Variants in DAB1 observed in about 807,000 individuals in gnomAD.
DAB1 encodes DAB adaptor protein 1.
A neutral mutation model predicts 64.6 loss-of-function variants in DAB1; 15 were observed. The ratio of observed to expected loss-of-function variants is 0.23; its 90% CI spans 0.16 to 0.36. DAB1 has a LOEUF of 0.36. Among genes scored for constraint, DAB1 ranks in the 10% least tolerant of loss-of-function variants. The probability of loss-of-function intolerance (pLI) is 1.00; values close to 1 mark genes in which losing one functional copy is unlikely to be tolerated. For synonymous variants in DAB1, 235 were observed against 251.9 expected (o/e 0.93, Z 0.64); for missense variants, 596 against 706.7 (o/e 0.84, Z 1.78).
At chr1:57,666,902 G>C (rs1570719976) in intron 6 of DAB1, among the ~76,000 whole-genome samples, 1 of 151,150 alleles carries the variant, frequency 6.6e-6, no homozygotes, top group Non-Finnish European at 1.5e-5. Context: ...AGGGGAGGGG[G>C]AGAGAGAGAG....
intron 4 of DAB1, among the ~76,000 whole-genome samples, chr1:58,261,556 C>T (rs564337944): frequency 6.6e-6 from 1 of 152,092 alleles, no homozygotes; most frequent in South Asian, 2.1e-4. Context: ...AATTCACCAA[C>T]CAGAAAAAGT....
chr1:58,065,900 C>T (rs774172965), intron 5 of DAB1, among the ~76,000 whole-genome samples: 9 of 152,186 alleles, frequency 5.9e-5, no homozygotes, highest in Non-Finnish European at 1.3e-4. Context: ...TGAAGGCTAT[C>T]AGAGGAAGGA....
rs1400773158 is a variant in DAB1, at chr1:57,058,511, A to G, written c.723+4373T>C. On this transcript the variant is annotated intron_variant, in intron 9 of 14. Transcript: ENST00000371236. ...GATGCTTACTGTAATGAGGACATGA[A>G]TATGATATGATTCCTGTCCTCAACG... Among the ~76,000 whole-genome samples, 3 of 152,366 alleles carry G rather than the reference A, an allele frequency of 2.0e-5. No homozygotes were observed. In the East Asian group the frequency reaches 5.8e-4, roughly 29 times the overall value.
intron 7 of DAB1, among the ~76,000 whole-genome samples, chr1:57,592,636 C>T (rs1558523009): frequency 6.6e-6 from 1 of 151,952 alleles, no homozygotes; most frequent in Non-Finnish European, 1.5e-5. Context: ...CTGTAGTAGA[C>T]AGCTTGGGCT....
chr1:57,630,476 T>A (rs1645976455), intron 7 of DAB1, among the ~76,000 whole-genome samples: 1 of 152,208 alleles, frequency 6.6e-6, no homozygotes. Context: ...TGTTTCACCC[T>A]AAGGGTAGAC....
Position 57,727,726 on chromosome 1 carries a change from C to CTCCTTCCTTCCTTTCTTCCTTCCT in DAB1, n.552-78062_552-78061insAGGAAGGAAGAAAGGAAGGAAGGA, listed in dbSNP as rs1647240698. Among the ~76,000 whole-genome samples, 3 of 137,124 alleles carry CTCCTTCCTTCCTTTCTTCCTTCCT rather than the reference C, an allele frequency of 2.2e-5. No individual in the cohort carries two copies. In the South Asian group the frequency reaches 7.8e-4, roughly 36 times the overall value. The allele number at this position is 137,124 out of a possible 152,430, so 90.0% of individuals were successfully genotyped here. ...CACCCTCTTCTGCTTCCTTCCTTCTCTCCTTCCTTCCTTCCTTCCTTCCTT... is the reference window on the plus strand; with the variant it reads ...CACCCTCTTCTGCTTCCTTCCTTCTCTCCTTCCTTCCTTTCTTCCTTCCTTCCTTCCTTCCTTCCTTCCTTCCTT... On this transcript the variant is annotated intron_variant and non_coding_transcript_variant, in intron 6 of 20. Transcript: ENST00000485760.
At chr1:57,391,812 CAGAG>C (rs796284038) in intron 1 of DAB1, among the ~76,000 whole-genome samples, 15 of 141,686 alleles carry the variant, frequency 1.1e-4, no homozygotes, top group African/African-American at 4.0e-4. Flanking sequence ...CACACACACA[CAGAG>C]AGAGGAGAGA....
At chr1:57,064,175 C>T (rs1251618263) in intron 8 of DAB1, among the ~76,000 whole-genome samples, 2 of 152,208 alleles carry the variant, frequency 1.3e-5, no homozygotes, top group Non-Finnish European at 2.9e-5. Context: ...TGAGCTTATT[C>T]CTTAGGTCCT....
chr1:57,825,677 T>G (rs1204728634), downstream of DAB1, among the ~76,000 whole-genome samples: 2 of 152,218 alleles, frequency 1.3e-5, no homozygotes, highest in Non-Finnish European at 2.9e-5. Context: ...AGATCCTCAA[T>G]GAACATTTGT....
intron 6 of DAB1, among the ~76,000 whole-genome samples, chr1:57,797,906 G>A (rs1001186424): frequency 6.6e-6 from 1 of 152,178 alleles, no homozygotes; most frequent in Admixed American, 6.5e-5. Flanking sequence ...GTATTAATTA[G>A]AGCCTCACAG....
At chr1:58,015,758 T>C (rs1469344044) in intron 5 of DAB1, among the ~76,000 whole-genome samples, 1 of 152,204 alleles carries the variant, frequency 6.6e-6, no homozygotes, top group Non-Finnish European at 1.5e-5. Context: ...GAGATCATTC[T>C]AATGTGTGGT....
chr1:57,356,745 C>T (rs1244055369), intron 1 of DAB1, among the ~76,000 whole-genome samples: 1 of 151,962 alleles, frequency 6.6e-6, no homozygotes, highest in Non-Finnish European at 1.5e-5. Flanking sequence ...GTCCTAAAGC[C>T]ATGTGTCCTT....
Position 57,069,509 on chromosome 1 carries a change from T to C in DAB1, c.598-84A>G, listed in dbSNP as rs2100589691. On this transcript the variant is annotated intron_variant, in intron 7 of 14. Coordinates refer to ENST00000371236, the MANE Select transcript of DAB1 (RefSeq NM_001365792.1). ...AAGCATTTGGAAATTAAGATACAAA[T>C]CACAGCGAGCATTAACGAAGCAGGC... is the stretch of plus-strand genomic sequence containing the variant. 2.6e-6 allele frequency: 3 copies of C among 1,165,344 alleles called. No homozygotes were observed. In the Admixed American group the frequency reaches 5.3e-5, roughly 20 times the overall value. 72.2% of individuals were successfully genotyped at this position (1,165,344 alleles called of 1,614,324 possible).
At chr1:57,440,114 A>G (rs1685885347) in intron 7 of DAB1, among the ~76,000 whole-genome samples, 1 of 152,068 alleles carries the variant, frequency 6.6e-6, no homozygotes, top group African/African-American at 2.4e-5. Flanking sequence ...TCATTTTTTG[A>G]AATTCTTCTC....
rs1029857511 is a variant in DAB1, at chr1:57,061,234, G to C, written c.723+1650C>G. On this transcript the variant is annotated intron_variant, in intron 9 of 14. Transcript: ENST00000371236. ...TTCAGAAGCCATATTTAGATGGGGG[G>C]GGGGGGTGGTTTCAAGATCCTGGAA... 9.9e-5 allele frequency among the ~76,000 whole-genome samples: 15 copies of C among 151,174 alleles called. No individual in the cohort carries two copies. In the South Asian group the frequency reaches 1.1e-3, roughly 11 times the overall value.
At chr1:57,756,398 T>G (rs1310285655) in intron 6 of DAB1, among the ~76,000 whole-genome samples, 1 of 152,158 alleles carries the variant, frequency 6.6e-6, no homozygotes, top group Non-Finnish European at 1.5e-5. Context: ...AGGTGATTAC[T>G]GACTTGGGAA....
At chr1:57,437,062 TG>T (rs1227053640) in intron 7 of DAB1, among the ~76,000 whole-genome samples, 2 of 148,804 alleles carry the variant, frequency 1.3e-5, no homozygotes, top group African/African-American at 4.9e-5. Context: ...AAGAATTTCC[TG>T]GCACAGGAGT....
At chr1:58,494,003 C>T (rs1645748256) in intron 3 of DAB1, among the ~76,000 whole-genome samples, 1 of 110,326 alleles carries the variant, frequency 9.1e-6, no homozygotes, top group South Asian at 2.8e-4. Context: ...CATCATGCTA[C>T]CTGACTTCAA....
At chr1:57,751,919 C>T (rs1648572402) in intron 6 of DAB1, among the ~76,000 whole-genome samples, 1 of 152,128 alleles carries the variant, frequency 6.6e-6, no homozygotes, top group Non-Finnish European at 1.5e-5. Context: ...GCTGTAAAGC[C>T]CCCTGGAGAA....
Sources: allele counts gnomAD v4.1 joint callset (sites outside exome capture counted in the v4.1 genomes callset), GRCh38; gene constraint gnomAD v4.1.1; transcripts MANE v1.5; gene names NCBI Gene and HGNC (gene_info 2026-07-23, HGNC 2026-07-21).